Variants in ZCCHC2 observed in about 807,000 individuals in gnomAD.
ZCCHC2 encodes the protein zinc finger CCHC-type containing 2, also known as zinc finger CCHC domain-containing protein 2.
Under a neutral mutation model 103.6 loss-of-function variants are expected in ZCCHC2, and 39 were observed. That is an observed-to-expected ratio of 0.38 (90% confidence interval 0.29 to 0.49). The LOEUF (loss-of-function observed/expected upper bound fraction) is 0.49. Ranked by LOEUF, ZCCHC2 falls within the 20% of genes least tolerant of loss-of-function variation. The pLI, the probability that ZCCHC2 is intolerant of heterozygous loss-of-function variation, is 0.96. For missense variants in ZCCHC2, 1,483 were observed against 1,491.0 expected (o/e 0.99, Z 0.09); for synonymous variants, 687 against 608.9 (o/e 1.13, Z -1.89).
intron 11 of ZCCHC2, among the ~76,000 whole-genome samples, chr18:62,568,185 T>G (rs992621574): frequency 1.4e-4 from 22 of 152,180 alleles, no homozygotes; most frequent in African/African-American, 5.3e-4. Flanking sequence ...CTTCTATTGT[T>G]TATAATTACC....
chr18:62,557,885 G>A (rs1415325037), intron 6 of ZCCHC2, among the ~76,000 whole-genome samples: 1 of 152,146 alleles, frequency 6.6e-6, no homozygotes, highest in Non-Finnish European at 1.5e-5. Context: ...TTTTTAGGTT[G>A]TAAAATTAAA....
Position 62,523,315 on chromosome 18 carries a change from G to C in ZCCHC2, c.-110G>C. 1 of 974,228 alleles carries C rather than the reference G, an allele frequency of 1.0e-6. No individual in the cohort carries two copies. The highest frequency in any genetic ancestry group is 1.2e-6 in the Non-Finnish European group (1 of 821,152). 60.3% of individuals were successfully genotyped at this position (974,228 alleles called of 1,614,324 possible). A position where few individuals can be genotyped will look rare whatever the true frequency, so the allele number is the denominator to read the frequency against. ...CCCCGGCCCCGGCCCTCCCCCGGCG[G>C]CATGGAGGGGCCCCGCTCCTGACGG... On this transcript the variant is annotated 5_prime_UTR_variant, in exon 1 of 14. Transcript: ENST00000269499.
chr18:62,550,496 C>A, intron 5 of ZCCHC2, 36 bp downstream of exon 5: 1 of 1,536,810 alleles, frequency 6.5e-7, no homozygotes, highest in Non-Finnish European at 8.9e-7. Context: ...TAGCAGCATA[C>A]ACACAGGACA....
At chr18:62,546,778 G>A (rs1343512606) in intron 4 of ZCCHC2, among the ~76,000 whole-genome samples, 5 of 152,108 alleles carry the variant, frequency 3.3e-5, no homozygotes, top group African/African-American at 1.2e-4. Flanking sequence ...CCATTTTTTC[G>A]AAAAGCTTAG....
intron 12 of ZCCHC2, among the ~76,000 whole-genome samples, chr18:62,572,578 C>T (rs992622100): frequency 4.6e-5 from 7 of 152,046 alleles, no homozygotes; most frequent in Admixed American, 2.0e-4. Context: ...TTGAAAAGGG[C>T]GTGGGTGGCT....
rs773465231 is a variant in ZCCHC2, at chr18:62,574,683, A to G, written c.2602A>G (p.Ile868Val). The part of the protein sequence containing the change: ...PGSPVATTDP[I>V]TKSASQVVGL... Reference sequence around the variant, plus strand: ...CTCTCCTGTTGCTACCACGGACCCCATCACAAAATCTGCATCCCAAGTGGT... The same window carrying G: ...CTCTCCTGTTGCTACCACGGACCCCGTCACAAAATCTGCATCCCAAGTGGT... The change falls in exon 13 of 14, where the codon ATC (isoleucine) becomes GTC (valine). Residue 868 changes from isoleucine to valine, a missense_variant. By Grantham distance (29) the Ile-to-Val change is conservative. This residue lies in a region of ZCCHC2 where 884 missense variants were observed against 907.5 expected (regional missense o/e 0.97). Coordinates refer to ENST00000269499, the MANE Select transcript of ZCCHC2 (RefSeq NM_017742.6). 6.2e-6 allele frequency: 10 copies of G among 1,613,866 alleles called. No individual in the cohort carries two copies. Among genetic ancestry groups the G allele is most frequent in the Non-Finnish European group, 6.8e-6 (8 of 1,179,898 alleles).
intron 5 of ZCCHC2, among the ~76,000 whole-genome samples, chr18:62,555,224 C>T (rs1018988276): frequency 6.6e-6 from 1 of 152,142 alleles, no homozygotes; most frequent in Non-Finnish European, 1.5e-5. Context: ...GTAGATTCTG[C>T]TCTAATTCTT....
chr18:62,534,309 C>G (rs1461587141), intron 1 of ZCCHC2, among the ~76,000 whole-genome samples: 1 of 99,264 alleles, frequency 1.0e-5, no homozygotes, highest in Non-Finnish European at 1.8e-5. Flanking sequence ...GAGATCCTGT[C>G]TTAAAAAAAA....
At chr18:62,567,761 A>G (rs1916427472) in intron 11 of ZCCHC2, among the ~76,000 whole-genome samples, 1 of 151,986 alleles carries the variant, frequency 6.6e-6, no homozygotes, top group African/African-American at 2.4e-5. Context: ...CCTGGCCATC[A>G]TGGTGAAACC....
At chr18:62,548,160 G>A (rs1915497151) in intron 4 of ZCCHC2, among the ~76,000 whole-genome samples, 1 of 152,162 alleles carries the variant, frequency 6.6e-6, no homozygotes, top group Non-Finnish European at 1.5e-5. Context: ...AGCTCTGGAG[G>A]TGGGAGGCTG....
chr18:62,541,280 C>G (rs911289767), intron 2 of ZCCHC2, among the ~76,000 whole-genome samples: 1 of 152,194 alleles, frequency 6.6e-6, no homozygotes, highest in Non-Finnish European at 1.5e-5. Flanking sequence ...ACAAGCAGGC[C>G]ACCAAACACT....
In ZCCHC2 at chr18:62,524,282, G is replaced by A; in HGVS notation, c.858G>A (p.Arg286=). The change falls in exon 1 of 14, where the codon AGG becomes AGA. Residue 286 remains arginine (R), a synonymous_variant. Transcript: ENST00000269499. ...TCACCCTGAGGGAACACTTGGAGAGGCTCCGCGCCGCGCTCCGCGGGGGCC... is the reference window on the plus strand; with the variant it reads ...TCACCCTGAGGGAACACTTGGAGAGACTCCGCGCCGCGCTCCGCGGGGGCC... ...QRVTLREHLE[R]LRAALRGGPE... is the part of the protein sequence containing the mutation. 7.1e-6 allele frequency: 11 copies of A among 1,549,100 alleles called. No homozygotes were observed. The highest frequency in any genetic ancestry group is 9.6e-6 in the Non-Finnish European group (11 of 1,146,432).
chr18:62,583,243 T>C (rs1917082494), downstream of ZCCHC2, among the ~76,000 whole-genome samples: 1 of 152,222 alleles, frequency 6.6e-6, no homozygotes, highest in Admixed American at 6.5e-5. Flanking sequence ...TATGCACTGA[T>C]GAACGATATA....
chr18:62,549,908 G>A (rs991421858), intron 4 of ZCCHC2, among the ~76,000 whole-genome samples: 1 of 152,194 alleles, frequency 6.6e-6, no homozygotes, highest in Non-Finnish European at 1.5e-5. Flanking sequence ...AAAACAGGAG[G>A]CACAAAAGTG....
intron 12 of ZCCHC2, among the ~76,000 whole-genome samples, chr18:62,570,796 G>A (rs190812268): frequency 1.3e-4 from 20 of 152,118 alleles, no homozygotes; most frequent in South Asian, 6.2e-4. Context: ...TCATTCTGCC[G>A]ATCTCTGCTA....
rs893474863 is a variant in ZCCHC2, at chr18:62,523,367, C to T, written c.-58C>T. The stretch of plus-strand genomic sequence containing the variant: ...CGCGCCGCCGCCTCGGCCCGTGCTC[C>T]ACCTCGCGGCCCCTCCCGCCCGCCC... On this transcript the variant is annotated 5_prime_UTR_variant, in exon 1 of 14. Coordinates refer to ENST00000269499, the MANE Select transcript of ZCCHC2 (RefSeq NM_017742.6). 4.0e-6 allele frequency: 4 copies of T among 1,012,044 alleles called. No homozygotes were observed. Among genetic ancestry groups the T allele is most frequent in the Admixed American group, 6.0e-5 (1 of 16,560 alleles). 62.7% of individuals were successfully genotyped at this position (1,012,044 alleles called of 1,614,324 possible).
chr18:62,544,948 C>T, intron 4 of ZCCHC2, 75 bp downstream of exon 4: 1 of 1,208,486 alleles, frequency 8.3e-7, no homozygotes, highest in Non-Finnish European at 1.1e-6. Flanking sequence ...GTCAAAAAAA[C>T]ACCAGGAAAA....
chr18:62,563,467 G>A (rs937531916), intron 9 of ZCCHC2, among the ~76,000 whole-genome samples: 26 of 152,092 alleles, frequency 1.7e-4, no homozygotes, highest in Middle Eastern at 6.8e-3. Context: ...GACCAGCCTC[G>A]GCAACATACT....
chr18:62,574,565 A>G lies in ZCCHC2; in HGVS notation c.2484A>G (p.Thr828=), dbSNP rs770542902. ...PPPQGSSESC[T]VNIPQQPPGS... The stretch of plus-strand genomic sequence containing the variant: ...CACAGGGATCTTCTGAGAGCTGCAC[A>G]GTTAACATCCCACAACAACCACCCG... Residue 828 remains threonine (T), a synonymous_variant, in exon 13 of 14, where the codon ACA becomes ACG. Transcript: ENST00000269499. 12 of 1,613,870 alleles carry G rather than the reference A, an allele frequency of 7.4e-6. No homozygotes were observed. The highest frequency in any genetic ancestry group is 2.2e-5 in the East Asian group (1 of 44,888).
Sources: gnomAD v4.1 joint callset for allele counts (sites outside exome capture counted in the v4.1 genomes callset) on GRCh38, gnomAD v4.1.1 for gene constraint, gnomAD v4.1.1 regional missense constraint, MANE v1.5 for transcripts, NCBI Gene and HGNC (gene_info 2026-07-23, HGNC 2026-07-21) for gene names.